Variants in THRAP3 observed in about 807,000 individuals in gnomAD.
THRAP3 encodes the protein thyroid hormone receptor-associated protein 3.
In THRAP3, 16 loss-of-function variants were observed where a neutral mutation model predicts 101.0. The ratio of observed to expected loss-of-function variants is 0.16; its 90% CI spans 0.11 to 0.24. The LOEUF (loss-of-function observed/expected upper bound fraction) is 0.24, where lower values mean the gene tolerates loss of function less well. THRAP3 is among the 10% of genes least tolerant of loss of function. THRAP3 has a pLI of 1.00. For synonymous variants in THRAP3, 407 were observed against 422.6 expected, an observed-to-expected ratio of 0.96 and a Z score of 0.45; for missense variants, 989 against 1,202.7, an observed-to-expected ratio of 0.82 and a Z score of 2.63.
Position 36,296,629 on chromosome 1 carries a change from T to C in THRAP3, c.2162T>C (p.Ile721Thr), listed in dbSNP as rs1159904402. 6.3e-7 allele frequency: 1 copy of C among 1,596,480 alleles called. No homozygotes were observed. Among genetic ancestry groups the C allele is most frequent in the Non-Finnish European group, 8.5e-7 (1 of 1,175,654 alleles). The change falls in exon 9 of 12, where the codon ATT (isoleucine) becomes ACT (threonine). Residue 721 changes from isoleucine (I) to threonine (T), a missense_variant. Transcript: ENST00000354618. ...KDDPVDLRLD[I>T]ERRKKHKERD... ...GATCCTGTTGATCTCCGCCTTGATA[T>C]TGAACGTCGTAAAAAACATAAGGAG...
In THRAP3 at chr1:36,243,743, A is replaced by G. The variant is rs1234807761; in HGVS notation, c.-134-15639A>G. On this transcript the variant is annotated intron_variant, in intron 1 of 11. Transcript: ENST00000354618. Reference sequence around the variant, plus strand: ...CTCCCAGACGGGGCGGTGGCCGGGCAGAGGGGCTCCTCACTTCCCAGTAGG... The same window carrying G: ...CTCCCAGACGGGGCGGTGGCCGGGCGGAGGGGCTCCTCACTTCCCAGTAGG... Among the ~76,000 whole-genome samples, 16 of 149,754 alleles carry G rather than the reference A, an allele frequency of 1.1e-4. No individual in the cohort carries two copies. The South Asian group carries it at 1.3e-3, about 12-fold the overall frequency.
chr1:36,287,699 C>T (rs976342212), intron 4 of THRAP3: 3 of 985,274 alleles, frequency 3.0e-6, no homozygotes, highest in Admixed American at 1.2e-4. Flanking sequence ...AGAGCTGCAC[C>T]CTCAATACCC....
intron 1 of THRAP3, among the ~76,000 whole-genome samples, chr1:36,233,693 G>A (rs1645054249): frequency 6.6e-6 from 1 of 152,058 alleles, no homozygotes; most frequent in South Asian, 2.1e-4. Flanking sequence ...TTGAACCCAG[G>A]AGGTTGAGGC....
the THRAP3 span, among the ~76,000 whole-genome samples, chr1:36,218,215 A>G: frequency 9.2e-5 from 14 of 151,704 alleles, no homozygotes; most frequent in African/African-American, 3.4e-4. Flanking sequence ...AAAAAAATAT[A>G]TAAATTAGCC....
rs115878173 is a variant in THRAP3 at position 36,234,007 on chromosome 1, G to T, written c.-135+9502G>T. On this transcript the variant is annotated intron_variant, in intron 1 of 11. Transcript: ENST00000354618. ...GTCTTGTTTTGTCACCCAGGCTGGAGTATGGTGGCGTGATCACGGCTAACC... is the reference window on the plus strand; with the variant it reads ...GTCTTGTTTTGTCACCCAGGCTGGATTATGGTGGCGTGATCACGGCTAACC... Among the ~76,000 whole-genome samples the T allele has an allele frequency of 7.8e-3, 1,183 of 152,150 alleles. 10 individuals carry two copies. The highest frequency in any genetic ancestry group is 0.027 in the African/African-American group (1,129 of 41,512).
rs755546658 is a variant in THRAP3, at chr1:36,286,751, G to A, written c.521G>A (p.Arg174His). ...SNHSRVESSK[R>H]KSAKEKKSSS... ...CATAGCCGAGTTGAATCTTCTAAGC[G>A]CAAGTCTGCAAAGGAGAAAAAGTCC... The change falls in exon 4 of 12, where the codon CGC becomes CAC. Residue 174 changes from arginine to histidine, a missense_variant. Physicochemically the swap from Arg to His is conservative, Grantham distance 29 (BLOSUM62 0). Transcript: ENST00000354618. This position sits in a 1 kb window ranked among gnomAD's most constrained non-coding sequence, Gnocchi z 5.5. 3.1e-6 allele frequency: 5 copies of A among 1,614,162 alleles called. No homozygotes were observed. Among genetic ancestry groups the A allele is most frequent in the South Asian group, 1.1e-5 (1 of 91,078 alleles).
intron 2 of THRAP3, among the ~76,000 whole-genome samples, chr1:36,263,587 G>A (rs951057915): frequency 6.6e-6 from 1 of 152,090 alleles, no homozygotes; most frequent in Non-Finnish European, 1.5e-5. Context: ...TTCCCCAATG[G>A]TAACATACTC....
At position 36,291,437 on chromosome 1, in the gene THRAP3, G is replaced by A. The variant is rs775150308; in HGVS notation, c.1809G>A (p.Lys603=). The A allele has an allele frequency of 3.1e-6, 5 of 1,614,174 alleles. No homozygotes were observed. The highest frequency in any genetic ancestry group is 4.2e-6 in the Non-Finnish European group (5 of 1,180,024). The change falls in exon 6 of 12, where the codon AAG becomes AAA. Residue 603 remains lysine, a synonymous_variant. Transcript: ENST00000354618. ...LCRDLVHSNK[K]EQEFRSIFQH... ...GAGATCTAGTCCATAGCAACAAAAA[G>A]GAACAGGAGTTTCGTTCCATTTTCC...
In THRAP3 at chr1:36,304,374, A is replaced by G. The variant is rs548637094; in HGVS notation, c.*357A>G. On this transcript the variant is annotated 3_prime_UTR_variant, in exon 12 of 12. Coordinates refer to ENST00000354618, the MANE Select transcript of THRAP3 (RefSeq NM_005119.4). ...AACAGTTTTGTTCTAATTTCATTTC[A>G]TTTGGAGCTAAGATGACTAATTTGA... 19 of 240,660 alleles carry G rather than the reference A, an allele frequency of 7.9e-5. No individual in the cohort carries two copies. Among genetic ancestry groups the G allele is most frequent in the Non-Finnish European group, 1.4e-4 (18 of 124,700 alleles). 14.9% of individuals were successfully genotyped at this position (240,660 alleles called of 1,614,324 possible).
intron 1 of THRAP3, among the ~76,000 whole-genome samples, chr1:36,230,623 C>T (rs540152959): frequency 6.6e-6 from 1 of 152,232 alleles, no homozygotes; most frequent in African/African-American, 2.4e-5. Flanking sequence ...GATGTATACT[C>T]ATATCTTTTG....
At chr1:36,258,094 C>T (rs1645398992) in intron 1 of THRAP3, among the ~76,000 whole-genome samples, 1 of 152,236 alleles carries the variant, frequency 6.6e-6, no homozygotes, top group Non-Finnish European at 1.5e-5. Flanking sequence ...CCGCCTCGGC[C>T]TCCCAAAGTG....
At chr1:36,239,165 A>G (rs931440840) in intron 1 of THRAP3, among the ~76,000 whole-genome samples, 5 of 151,162 alleles carry the variant, frequency 3.3e-5, no homozygotes, top group African/African-American at 1.2e-4. Flanking sequence ...CGGCCTCCCA[A>G]AGTTCTGGGA....
In THRAP3 at chr1:36,286,964, G is replaced by C; in HGVS notation, c.734G>C (p.Arg245Pro). ...RASAVSELSPRERSPALKSPL... is the reference protein window; with the variant it reads ...RASAVSELSPPERSPALKSPL... ...TCAGCAGTTTCTGAGCTGAGTCCTC[G>C]GGAGCGAAGCCCAGCTCTCAAAAGC... The change falls in exon 4 of 12, where the codon CGG becomes CCG. Residue 245 changes from arginine (R) to proline (P), a missense_variant. By Grantham distance (103) the Arg-to-Pro change is moderately radical. Coordinates refer to ENST00000354618, the MANE Select transcript of THRAP3 (RefSeq NM_005119.4). The surrounding 1 kb of genome is among the most constrained non-coding windows in gnomAD (Gnocchi z 5.5). 6.2e-7 allele frequency: 1 copy of C among 1,614,220 alleles called. No individual in the cohort carries two copies. Among genetic ancestry groups the C allele is most frequent in the Non-Finnish European group, 8.5e-7 (1 of 1,180,032 alleles).
intron 6 of THRAP3, among the ~76,000 whole-genome samples, chr1:36,292,051 C>G (rs767666779): frequency 6.6e-6 from 1 of 151,974 alleles, no homozygotes; most frequent in African/African-American, 2.4e-5. Context: ...GGAGAATAAG[C>G]TTCAAGTTTC....
intron 2 of THRAP3, among the ~76,000 whole-genome samples, chr1:36,276,754 G>T (rs1394459847): frequency 1.3e-5 from 2 of 151,598 alleles, no homozygotes; most frequent in Non-Finnish European, 2.9e-5. Context: ...CTACTCGAGA[G>T]GCTGAGGCAA....
intron 2 of THRAP3, among the ~76,000 whole-genome samples, chr1:36,279,018 A>C (rs895445506): frequency 6.6e-6 from 1 of 152,176 alleles, no homozygotes; most frequent in African/African-American, 2.4e-5. Context: ...CGGGAATGGG[A>C]GTCGGGGGGC....
At chr1:36,299,438 A>C (rs191225117) in intron 9 of THRAP3, among the ~76,000 whole-genome samples, 146 of 152,034 alleles carry the variant, frequency 9.6e-4, no homozygotes, top group African/African-American at 3.1e-3. Context: ...ACTCCATCTC[A>C]ACAACAACAA....
intron 2 of THRAP3, among the ~76,000 whole-genome samples, chr1:36,273,289 C>T (rs1347354315): frequency 2.6e-5 from 4 of 152,164 alleles, no homozygotes; most frequent in African/African-American, 7.2e-5. Flanking sequence ...GGATAAGGAG[C>T]GCAGGCTCAC....
chr1:36,226,132 T>TA (rs771173203), intron 1 of THRAP3, among the ~76,000 whole-genome samples: 2 of 152,164 alleles, frequency 1.3e-5, no homozygotes, highest in Non-Finnish European at 2.9e-5. Context: ...GCCTGCAAAA[T>TA]ATGGATTACA....
Sources: gnomAD v4.1 joint callset for allele counts (sites outside exome capture counted in the v4.1 genomes callset) on GRCh38, gnomAD v4.1.1 for gene constraint, Gnocchi (gnomAD v3.1) non-coding constraint, MANE v1.5 for transcripts, NCBI Gene and HGNC (gene_info 2026-07-23, HGNC 2026-07-21) for gene names.